Variants in GPR35 observed in about 807,000 individuals in gnomAD.
GPR35 encodes G protein-coupled receptor 35.
For missense variants in GPR35, 372 were observed against 422.5 expected, an observed-to-expected ratio of 0.88 and a Z score of 1.05; for synonymous variants, 207 against 198.4, an observed-to-expected ratio of 1.04 and a Z score of -0.36.
At chr2:240,625,606 G>C in intron 1 of GPR35, 38 bp downstream of exon 1, 1 of 952,820 alleles carries the variant, frequency 1.0e-6, no homozygotes, top group Non-Finnish European at 1.3e-6. Flanking sequence ...CTCCCAGCGG[G>C]GCAGGGGCAT....
At chr2:240,623,069 G>A (rs540957524), upstream of GPR35, among the ~76,000 whole-genome samples, 40 of 152,318 alleles carry the variant, frequency 2.6e-4, no homozygotes, top group South Asian at 6.8e-3. Flanking sequence ...TGCCTGAGCC[G>A]GGCGCCGACG....
intron 2 of GPR35, among the ~76,000 whole-genome samples, chr2:240,606,788 A>C (rs1223338628): frequency 6.6e-6 from 1 of 152,218 alleles, no homozygotes; most frequent in African/African-American, 2.4e-5. Flanking sequence ...GAATATGGCA[A>C]GAGCTGAGGC....
At chr2:240,608,243 T>A (rs1041533194) in intron 2 of GPR35, among the ~76,000 whole-genome samples, 1 of 152,196 alleles carries the variant, frequency 6.6e-6, no homozygotes, top group African/African-American at 2.4e-5. Context: ...TAATTTTACT[T>A]CTTCCTTTTC....
intron 4 of GPR35, among the ~76,000 whole-genome samples, chr2:240,618,354 G>A (rs369530615): frequency 3.9e-5 from 6 of 152,230 alleles, no homozygotes; most frequent in East Asian, 3.9e-4. Flanking sequence ...TTGTGTCGAC[G>A]TACAGACAAA....
intron 1 of GPR35, among the ~76,000 whole-genome samples, chr2:240,627,205 G>C (rs1272043933): frequency 1.3e-5 from 2 of 152,202 alleles, no homozygotes; most frequent in Non-Finnish European, 2.9e-5. Flanking sequence ...ACAGATTCCT[G>C]TGCGGGACTG....
At chr2:240,623,597 A>T (rs2043333887), upstream of GPR35, among the ~76,000 whole-genome samples, 1 of 151,922 alleles carries the variant, frequency 6.6e-6, no homozygotes, top group South Asian at 2.1e-4. Flanking sequence ...GGCCCGGGCA[A>T]GGCCTGCCTG....
intron 2 of GPR35, among the ~76,000 whole-genome samples, chr2:240,616,053 A>G (rs1462537207): frequency 6.6e-6 from 1 of 152,042 alleles, no homozygotes; most frequent in Non-Finnish European, 1.5e-5. Flanking sequence ...TTCCACCCTT[A>G]GCCTCCTCCA....
In GPR35 at chr2:240,620,086, G is replaced by C. The variant is rs551368015; in HGVS notation, c.-5+1055G>C. Among the ~76,000 whole-genome samples, 9 of 152,308 alleles carry C rather than the reference G, an allele frequency of 5.9e-5. No individual in the cohort carries two copies. The East Asian group carries it at 1.5e-3, about 26-fold the overall frequency. On this transcript the variant is annotated intron_variant, in intron 5 of 5. Transcript: ENST00000319838. ...CCTGCTGTCCAGGGCCAAGAAAAGG[G>C]AAAGCCGCTGGAAATAGCAGAAACC...
chr2:240,623,948 T>C (rs2043337752), upstream of GPR35, among the ~76,000 whole-genome samples: 1 of 140,796 alleles, frequency 7.1e-6, no homozygotes, highest in South Asian at 2.5e-4. Context: ...CCCAGGCCAC[T>C]GCTGGGGAGG....
upstream of GPR35, chr2:240,625,159 G>A: frequency 3.3e-6 from 2 of 608,900 alleles, no homozygotes; most frequent in Non-Finnish European, 4.1e-6. Context: ...GAGATGACAG[G>A]GCAGAAGTGG....
rs1184563938 is a variant in GPR35, at chr2:240,631,276, T to C, written c.*394T>C. ...TCAGTCCTAGTGGGGCCCTCTGTGT[T>C]TCGCACTCGTGTGGTGGGAGGCAGG... On this transcript the variant is annotated 3_prime_UTR_variant, in exon 2 of 2. Coordinates refer to ENST00000407714, the MANE Select transcript of GPR35 (RefSeq NM_005301.5). The C allele has an allele frequency of 8.4e-6, 2 of 238,960 alleles. No individual in the cohort carries two copies. Among genetic ancestry groups the C allele is most frequent in the East Asian group, 2.0e-4 (2 of 9,778 alleles). 14.8% of individuals were successfully genotyped at this position (238,960 alleles called of 1,614,324 possible).
At chr2:240,623,167 C>T (rs529633707), upstream of GPR35, among the ~76,000 whole-genome samples, 9 of 152,154 alleles carry the variant, frequency 5.9e-5, no homozygotes, top group Admixed American at 1.3e-4. Flanking sequence ...TCACAGAGGC[C>T]GGGCTCTGTG....
chr2:240,623,411 C>A (rs1386742485), upstream of GPR35, among the ~76,000 whole-genome samples: 1 of 72,464 alleles, frequency 1.4e-5, no homozygotes, highest in Admixed American at 1.3e-4. Flanking sequence ...AGGGCGCAAA[C>A]AGATCGTGAG....
Position 240,617,471 on chromosome 2 carries a change from A to G in GPR35, c.-149+78A>G, listed in dbSNP as rs995634067. On this transcript the variant is annotated intron_variant, in intron 4 of 5. Coordinates refer to the GPR35 transcript ENST00000319838. ...GATAATTAACCCTAATGCTAGTTTCATTCATCCATCAGGGTTTGCAAAGTA... is the reference window on the plus strand; with the variant it reads ...GATAATTAACCCTAATGCTAGTTTCGTTCATCCATCAGGGTTTGCAAAGTA... The G allele has an allele frequency of 1.7e-5, 9 of 525,348 alleles. 1 individual carries two copies. The highest frequency in any genetic ancestry group is 7.6e-5 in the African/African-American group (4 of 52,778). 32.5% of individuals were successfully genotyped at this position (525,348 alleles called of 1,614,324 possible). A position where few individuals can be genotyped will look rare whatever the true frequency, so the allele number is the denominator to read the frequency against.
At chr2:240,619,040 A>C in intron 5 of GPR35, 1 of 701,770 alleles carries the variant, frequency 1.4e-6, no homozygotes, top group Non-Finnish European at 2.6e-6. Flanking sequence ...CTGTGAGTAC[A>C]TTCCTAGAAG....
At chr2:240,616,624 A>G (rs2043240319) in intron 3 of GPR35, 1 of 681,002 alleles carries the variant, frequency 1.5e-6, no homozygotes, top group African/African-American at 1.8e-5. Flanking sequence ...ACCAATGATC[A>G]CGAATGTGGC....
chr2:240,621,821 G>A (rs752355987), upstream of GPR35, among the ~76,000 whole-genome samples: 6 of 152,210 alleles, frequency 3.9e-5, no homozygotes, highest in African/African-American at 7.2e-5. Flanking sequence ...CAGGGGTCTC[G>A]TCTGTGTAAA....
intron 1 of GPR35, chr2:240,628,383 GGA>G (rs1384823975): frequency 3.9e-5 from 6 of 152,380 alleles, no homozygotes; most frequent in African/African-American, 1.4e-4. Context: ...CAAGAAGGGA[GGA>G]GAGAGACCAC....
chr2:240,624,150 C>T (rs1400028521), upstream of GPR35, among the ~76,000 whole-genome samples: 27 of 152,136 alleles, frequency 1.8e-4, no homozygotes, highest in Admixed American at 1.6e-3. Context: ...TGCTTGACGG[C>T]GGCCGGGCTT....
Sources: allele counts gnomAD v4.1 joint callset (sites outside exome capture counted in the v4.1 genomes callset), GRCh38; gene constraint gnomAD v4.1.1; transcripts MANE v1.5; gene names NCBI Gene and HGNC (gene_info 2026-07-23, HGNC 2026-07-21).